Variants in PLEKHM3 observed in about 807,000 individuals in gnomAD.
PLEKHM3 encodes pleckstrin homology domain containing M3.
A neutral mutation model predicts 81.8 loss-of-function variants in PLEKHM3; 45 were observed. That is an observed-to-expected ratio of 0.55 (90% CI 0.43 to 0.71). PLEKHM3 has a LOEUF of 0.71. PLEKHM3 is among the 30% of genes least tolerant of loss of function. The pLI is 0.00. For missense variants in PLEKHM3, 788 were observed against 924.3 expected, an observed-to-expected ratio of 0.85 and a Z score of 1.91; for synonymous variants, 352 against 356.4, an observed-to-expected ratio of 0.99 and a Z score of 0.14.
At chr2:207,894,635 A>G (rs1177774909) in intron 6 of PLEKHM3, among the ~76,000 whole-genome samples, 4 of 152,276 alleles carry the variant, frequency 2.6e-5, no homozygotes, top group African/African-American at 9.6e-5. Flanking sequence ...GAAATAGAGA[A>G]TGTGAGTGCT....
chr2:207,831,833 C>T lies in PLEKHM3; in HGVS notation c.2109-3337G>A, dbSNP rs10193472. On this transcript the variant is annotated intron_variant, in intron 7 of 7. Coordinates refer to ENST00000427836, the MANE Select transcript of PLEKHM3 (RefSeq NM_001080475.3). ...CCTAGTGGCAATGGCTTTGTCCCCA[C>T]TGGTCACACCTCTGTAACCTTCTAT... Among the ~76,000 whole-genome samples, 976 of 152,318 alleles carry T rather than the reference C, an allele frequency of 6.4e-3. 11 individuals carry two copies. The highest frequency in any genetic ancestry group is 0.022 in the African/African-American group (928 of 41,578).
chr2:207,941,279 C>A (rs911197076), intron 4 of PLEKHM3, among the ~76,000 whole-genome samples: 3 of 152,150 alleles, frequency 2.0e-5, no homozygotes, highest in Admixed American at 1.3e-4. Context: ...CAGACATACA[C>A]ACATAGACCA....
chr2:207,868,868 C>T (rs2092517421), intron 6 of PLEKHM3: 1 of 151,978 alleles, frequency 6.6e-6, no homozygotes, highest in African/African-American at 2.4e-5. Context: ...ACATCCATTT[C>T]TTCTGATATT....
intron 1 of PLEKHM3, among the ~76,000 whole-genome samples, chr2:208,015,291 A>G (rs1431966573): frequency 6.6e-6 from 1 of 152,222 alleles, no homozygotes; most frequent in Non-Finnish European, 1.5e-5. Context: ...AATTCAAAGC[A>G]AATTAATTAC....
chr2:207,829,583 G>A (rs2092273171), intron 7 of PLEKHM3, among the ~76,000 whole-genome samples: 1 of 152,106 alleles, frequency 6.6e-6, no homozygotes, highest in African/African-American at 2.4e-5. Context: ...GGTCTGCAAA[G>A]CTTTTAATAA....
chr2:207,851,372 T>C (rs978978810), intron 7 of PLEKHM3: 2 of 152,206 alleles, frequency 1.3e-5, no homozygotes, highest in Non-Finnish European at 2.9e-5. Flanking sequence ...GATATTCTTA[T>C]TGTATTTAAA....
chr2:208,014,925 G>A (rs767091650), intron 1 of PLEKHM3, among the ~76,000 whole-genome samples: 4 of 152,164 alleles, frequency 2.6e-5, no homozygotes, highest in Non-Finnish European at 5.9e-5. Flanking sequence ...CTTTAAACAT[G>A]TCCTGCAGAG....
At chr2:207,937,456 A>G (rs1574423507) in intron 4 of PLEKHM3, among the ~76,000 whole-genome samples, 2 of 151,954 alleles carry the variant, frequency 1.3e-5, no homozygotes, top group African/African-American at 2.4e-5. Context: ...TGTAGTCCCA[A>G]CTACTCAGGA....
intron 6 of PLEKHM3, among the ~76,000 whole-genome samples, chr2:207,875,015 C>T (rs1187028036): frequency 6.6e-6 from 1 of 151,792 alleles, no homozygotes; most frequent in Non-Finnish European, 1.5e-5. Context: ...ATAGAATTTA[C>T]CCCATTTATG....
At chr2:207,933,843 G>A (rs918727642) in intron 4 of PLEKHM3, among the ~76,000 whole-genome samples, 4 of 152,184 alleles carry the variant, frequency 2.6e-5, no homozygotes, top group African/African-American at 4.8e-5. Flanking sequence ...CATCGCTACC[G>A]CTGCTGCCTG....
chr2:207,852,602 G>C (rs1420537623), intron 7 of PLEKHM3, among the ~76,000 whole-genome samples: 1 of 152,086 alleles, frequency 6.6e-6, no homozygotes, highest in African/African-American at 2.4e-5. Context: ...TTAAAACTGA[G>C]TATATTCTAG....
In PLEKHM3 at chr2:207,977,367, T is replaced by A. The variant is rs748211487; in HGVS notation, c.830A>T (p.Asp277Val). The A allele has an allele frequency of 6.2e-7, 1 of 1,614,110 alleles. No homozygotes were observed. Among genetic ancestry groups the A allele is most frequent in the Non-Finnish European group, 8.5e-7 (1 of 1,180,020 alleles). ...VLGNLEARMV[D>V]TVLYDNTQLQ... is the part of the protein sequence containing the mutation. ...CTGAGTGTTGTCATACAAAACAGTA[T>A]CCACCATCCTGGCCTCCAGGTTGCC... Residue 277 changes from aspartate to valine, a missense_variant, in exon 3 of 8, where the codon GAT (aspartate) becomes GTT (valine). Physicochemically the swap from Asp to Val is radical, Grantham distance 152 (BLOSUM62 -3). Coordinates refer to ENST00000427836, the MANE Select transcript of PLEKHM3 (RefSeq NM_001080475.3).
chr2:207,988,048 C>G (rs181366743), intron 2 of PLEKHM3, among the ~76,000 whole-genome samples: 36 of 152,354 alleles, frequency 2.4e-4, no homozygotes, highest in Admixed American at 7.2e-4. Context: ...CACCTTCTAT[C>G]ATATCTTTAA....
rs147623772 is a variant in PLEKHM3, at chr2:207,870,209, T to C, written c.1951-8947A>G. On this transcript the variant is annotated intron_variant, in intron 6 of 7. Coordinates refer to ENST00000427836, the MANE Select transcript of PLEKHM3 (RefSeq NM_001080475.3). ...GCACCACCACAAAATTCAAAATTTA[T>C]GGGGGGCGGAGAAGACAGAGAACTA... Among the ~76,000 whole-genome samples the C allele has an allele frequency of 7.0e-4, 107 of 152,210 alleles. 1 individual carries two copies. Among genetic ancestry groups the C allele is most frequent in the African/African-American group, 2.0e-3 (84 of 41,538 alleles).
At chr2:207,883,192 T>C (rs1012162451) in intron 6 of PLEKHM3, among the ~76,000 whole-genome samples, 2 of 152,202 alleles carry the variant, frequency 1.3e-5, no homozygotes, top group Admixed American at 6.5e-5. Flanking sequence ...GATGAGAATA[T>C]TGCTTTGTGA....
chr2:208,004,916 A>C (rs1375617209), intron 1 of PLEKHM3, among the ~76,000 whole-genome samples: 3 of 152,032 alleles, frequency 2.0e-5, no homozygotes, highest in Non-Finnish European at 4.4e-5. Context: ...CCTCTACCCC[A>C]CGGCGTTCAA....
At chr2:207,854,916 A>C (rs976167246) in intron 7 of PLEKHM3, among the ~76,000 whole-genome samples, 5 of 152,172 alleles carry the variant, frequency 3.3e-5, no homozygotes, top group African/African-American at 1.2e-4. Context: ...GTGATTCATA[A>C]TCATATGGAG....
intron 6 of PLEKHM3, among the ~76,000 whole-genome samples, chr2:207,908,266 G>C (rs1688685079): frequency 6.6e-6 from 1 of 152,190 alleles, no homozygotes; most frequent in Admixed American, 6.5e-5. Context: ...CTGTTCCAAA[G>C]TGGCTAACGT....
chr2:207,976,745 C>T lies in PLEKHM3; in HGVS notation c.1452G>A (p.Lys484=), dbSNP rs756599140. 5 of 1,614,200 alleles carry T rather than the reference C, an allele frequency of 3.1e-6. No homozygotes were observed. Among genetic ancestry groups the T allele is most frequent in the Non-Finnish European group, 3.4e-6 (4 of 1,180,036 alleles). Residue 484 remains lysine, a synonymous_variant, in exon 3 of 8, where the codon AAG becomes AAA. Coordinates refer to ENST00000427836, the MANE Select transcript of PLEKHM3 (RefSeq NM_001080475.3). This position sits in a 1 kb window ranked among gnomAD's most constrained non-coding sequence, Gnocchi z 4.1. ...TGGTAGTCACAGATTGGCGTTTGTT[C>T]TTCCTGAGTTCATGCCCACCCATTT... is the stretch of plus-strand genomic sequence containing the variant. ...KDQMGGHELR[K]NKRQSVTTSF...
Sources: allele counts gnomAD v4.1 joint callset (sites outside exome capture counted in the v4.1 genomes callset), GRCh38; gene constraint gnomAD v4.1.1; non-coding constraint Gnocchi (gnomAD v3.1); transcripts MANE v1.5; gene names NCBI Gene and HGNC (gene_info 2026-07-23, HGNC 2026-07-21).